The following UBR4 variants were observed in gnomAD, a reference collection of about 807,000 sequenced individuals.
The protein encoded by UBR4 is E3 ubiquitin-protein ligase UBR4.
A neutral mutation model predicts 575.6 loss-of-function variants in UBR4; 124 were observed. That is an observed-to-expected ratio of 0.22 (90% confidence interval 0.19 to 0.25). UBR4 has a LOEUF of 0.25. Ranked by LOEUF, UBR4 falls within the 10% of genes least tolerant of loss-of-function variation. The probability of loss-of-function intolerance (pLI) is 1.00; values close to 1 mark genes in which losing one functional copy is unlikely to be tolerated. For missense variants in UBR4, 4,818 were observed against 6,478.8 expected (o/e 0.74, Z 8.80); for synonymous variants, 2,455 against 2,473.7 (o/e 0.99, Z 0.22).
Position 19,164,737 on chromosome 1 carries a change from T to C in UBR4, c.4511+62A>G, listed in dbSNP as rs2088018011. ...GACTGGTGCCCGAAGGAAAGATAAC[T>C]GCAAATATCAACGTGTTTCTGGGGT... On this transcript the variant is annotated intron_variant, in intron 32 of 105. Transcript: ENST00000375254. The C allele has an allele frequency of 3.2e-6, 5 of 1,584,288 alleles. No homozygotes were observed. In the African/African-American group the frequency reaches 5.4e-5, roughly 17 times the overall value.
In UBR4 at chr1:19,158,052, T is replaced by C. The variant is rs1036888987; in HGVS notation, c.5578-55A>G. On this transcript the variant is annotated intron_variant, in intron 39 of 105. Coordinates refer to ENST00000375254, the MANE Select transcript of UBR4 (RefSeq NM_020765.3). ...CAGTAATGAGGCAAATAAAATCAAG[T>C]GGATTCACGCACTATTCATGTGCCT... 2.6e-6 allele frequency: 4 copies of C among 1,564,388 alleles called. No individual in the cohort carries two copies. The African/African-American group carries it at 4.1e-5, about 16-fold the overall frequency.
rs775182463 is a variant in UBR4, at chr1:19,074,821, C to T, written c.*11G>A. The T allele has an allele frequency of 4.3e-6, 7 of 1,614,018 alleles. No homozygotes were observed. In the East Asian group the frequency reaches 1.3e-4, roughly 31 times the overall value. ...AGCTTCGTCTTCGCCGCCGCAGCTG[C>T]TGTGTGGTGGTCAGGGGACTGAGTT... On this transcript the variant is annotated 3_prime_UTR_variant, in exon 106 of 106. Coordinates refer to ENST00000375254, the MANE Select transcript of UBR4 (RefSeq NM_020765.3).
Position 19,153,326 on chromosome 1 carries a change from A to G in UBR4, c.6807T>C (p.Val2269=). 2 of 1,614,194 alleles carry G rather than the reference A, an allele frequency of 1.2e-6. No homozygotes were observed. The highest frequency in any genetic ancestry group is 1.7e-6 in the Non-Finnish European group (2 of 1,180,020). Residue 2269 remains valine (V), a synonymous_variant, in exon 46 of 106, where the codon GTT becomes GTC. Coordinates refer to ENST00000375254, the MANE Select transcript of UBR4 (RefSeq NM_020765.3). The surrounding 1 kb of genome is among the most constrained non-coding windows in gnomAD (Gnocchi z 4.1). ...TGATTGTAGCTGTTTTGCGCTTTCG[A>G]ACAGGCTTCATGATGCTGATGACAC... The part of the protein sequence containing the change: ...PSSVISIMKP[V]RKRKTATITT...
intron 34 of UBR4, 110 bp downstream of exon 34, chr1:19,163,654 G>T: frequency 1.7e-6 from 2 of 1,177,466 alleles, no homozygotes; most frequent in Non-Finnish European, 2.5e-6. Flanking sequence ...CTTATCCTTG[G>T]TAGGCTAGCC....
At chr1:19,129,663 T>A (rs2082206254) in intron 60 of UBR4, among the ~76,000 whole-genome samples, 1 of 152,228 alleles carries the variant, frequency 6.6e-6, no homozygotes, top group Non-Finnish European at 1.5e-5. Context: ...TCCCGTATAA[T>A]CAACTGGCCA....
chr1:19,134,255 AAAAT>A (rs951027481), intron 60 of UBR4, among the ~76,000 whole-genome samples: 4 of 151,836 alleles, frequency 2.6e-5, no homozygotes, highest in Non-Finnish European at 4.4e-5. Flanking sequence ...CTCTGTCTCA[AAAAT>A]AAATAAATAA....
intron 20 of UBR4, among the ~76,000 whole-genome samples, chr1:19,175,919 G>A (rs977940629): frequency 2.3e-4 from 35 of 151,740 alleles, no homozygotes; most frequent in South Asian, 2.1e-4. Flanking sequence ...TTAGCCTCTC[G>A]AGTAGCTGGC....
intron 58 of UBR4, among the ~76,000 whole-genome samples, chr1:19,140,111 C>A (rs1291006650): frequency 1.3e-5 from 2 of 152,028 alleles, no homozygotes; most frequent in African/African-American, 2.4e-5. Context: ...AGAAAAAAAA[C>A]AAACACAAGG....
At position 19,157,747 on chromosome 1, in the gene UBR4, C is replaced by T; in HGVS notation, c.5760+68G>A. The T allele has an allele frequency of 1.3e-6, 2 of 1,558,934 alleles. No homozygotes were observed. Among genetic ancestry groups the T allele is most frequent in the Non-Finnish European group, 1.7e-6 (2 of 1,146,244 alleles). ...AGAGGGCTAATCCGAATGTGGTCAT[C>T]AATTTGTTTTGCTTAGCATTTAAGA... On this transcript the variant is annotated intron_variant, in intron 40 of 105. Transcript: ENST00000375254. The surrounding 1 kb of genome is among the most constrained non-coding windows in gnomAD (Gnocchi z 4.4).
chr1:19,176,638 A>G lies in UBR4; in HGVS notation c.2727T>C (p.His909=). 2 of 1,614,078 alleles carry G rather than the reference A, an allele frequency of 1.2e-6. No individual in the cohort carries two copies. The highest frequency in any genetic ancestry group is 1.7e-6 in the Non-Finnish European group (2 of 1,180,006). ...NSRRATTPLY[H]GFKEVEENWS... ...AGTTTTCTTCTACTTCTTTGAATCC[A>G]TGATAGAGAGGAGTGGTTGCCCGGC... Residue 909 remains histidine (H), a synonymous_variant, in exon 20 of 106, where the codon CAT becomes CAC. Coordinates refer to ENST00000375254, the MANE Select transcript of UBR4 (RefSeq NM_020765.3).
At chr1:19,133,708 G>T (rs2082813901) in intron 60 of UBR4, among the ~76,000 whole-genome samples, 1 of 152,084 alleles carries the variant, frequency 6.6e-6, no homozygotes, top group African/African-American at 2.4e-5. Context: ...CCAACACTGG[G>T]AGGCTGAGGC....
At chr1:19,083,906 T>TC (rs2076761898) in intron 102 of UBR4, among the ~76,000 whole-genome samples, 1 of 152,250 alleles carries the variant, frequency 6.6e-6, no homozygotes, top group East Asian at 1.9e-4. Flanking sequence ...CTCTTTTTTT[T>TC]CCTGGCTGCC....
In UBR4 at chr1:19,076,911, A is replaced by G. The variant is rs1383982380; in HGVS notation, c.15325-9T>C. 4 of 1,542,612 alleles carry G rather than the reference A, an allele frequency of 2.6e-6. No homozygotes were observed. The Admixed American group carries it at 8.3e-5, about 32-fold the overall frequency. ...TTACTGGTAGGCACCTTCTACGAGA[A>G]TCAACAGGAGACAAGAGAGGTGGGT... On this transcript the variant is annotated splice_polypyrimidine_tract_variant and intron_variant, in intron 104 of 105. Coordinates refer to ENST00000375254, the MANE Select transcript of UBR4 (RefSeq NM_020765.3).
In UBR4 at chr1:19,169,528, C is replaced by T. The variant is rs1340322936; in HGVS notation, c.3648G>A (p.Pro1216=). The T allele has an allele frequency of 2.5e-6, 4 of 1,612,998 alleles. No homozygotes were observed. Among genetic ancestry groups the T allele is most frequent in the East Asian group, 2.2e-5 (1 of 44,854 alleles). ...SSRCKANTLG[P]TLVQNLPSSV... ...ACGATGGCAAATTCTGAACCAGTGT[C>T]GGACCTGGAGGCGACAGAAAGGACA... Residue 1216 remains proline (P), a synonymous_variant, in exon 27 of 106, where the codon CCG becomes CCA. Transcript: ENST00000375254.
intron 17 of UBR4, among the ~76,000 whole-genome samples, chr1:19,181,085 A>C (rs1040697944): frequency 6.6e-6 from 1 of 152,222 alleles, no homozygotes; most frequent in African/African-American, 2.4e-5. Context: ...ATCATAGTTA[A>C]ACTGAAACCT....
intron 60 of UBR4, among the ~76,000 whole-genome samples, chr1:19,130,641 A>G (rs1388657442): frequency 6.6e-6 from 1 of 152,232 alleles, no homozygotes; most frequent in Middle Eastern, 3.2e-3. Context: ...TCTGTTAATA[A>G]TTAGCCAAGC....
At position 19,199,722 on chromosome 1, in the gene UBR4, C is replaced by A; in HGVS notation, c.307G>T (p.Ala103Ser). 1 of 1,614,162 alleles carries A rather than the reference C, an allele frequency of 6.2e-7. No individual in the cohort carries two copies. Among genetic ancestry groups the A allele is most frequent in the South Asian group, 1.1e-5 (1 of 91,080 alleles). ...GAAAACTCAATTAGAACTTTACAGG[C>A]TGCTGCCACTGACTGAAGTTGGTTC... ...PRNQLQSVAAACKVLIEFSLL... is the reference protein window; with the variant it reads ...PRNQLQSVAASCKVLIEFSLL... The change falls in exon 3 of 106, where the codon GCC (alanine) becomes TCC (serine). Residue 103 changes from alanine (A) to serine (S), a missense_variant. Physicochemically the swap from Ala to Ser is moderately conservative, Grantham distance 99 (BLOSUM62 1). Coordinates refer to ENST00000375254, the MANE Select transcript of UBR4 (RefSeq NM_020765.3).
intron 86 of UBR4, 147 bp from the exon 87 acceptor site, chr1:19,104,404 G>A: frequency 8.2e-7 from 1 of 1,214,746 alleles, no homozygotes; most frequent in Non-Finnish European, 1.1e-6. Context: ...AGCGGAAACA[G>A]TCAATAGCAA....
Position 19,097,205 on chromosome 1 carries a change from C to A in UBR4, c.13378G>T (p.Asp4460Tyr). Reference protein sequence around the residue: ...DATEEFIESLDSTTDEEEDEE... With the variant: ...DATEEFIESLYSTTDEEEDEE... ...TGCCATGATCTACCTGTAGTAGAGTCCAGGGACTCAATGAACTCCTCTGTG... is the reference window on the plus strand; with the variant it reads ...TGCCATGATCTACCTGTAGTAGAGTACAGGGACTCAATGAACTCCTCTGTG... Residue 4460 changes from aspartate (D) to tyrosine (Y), a missense_variant, in exon 91 of 106, where the codon GAC becomes TAC. By Grantham distance (160) the Asp-to-Tyr change is radical (BLOSUM62 -3). Coordinates refer to ENST00000375254, the MANE Select transcript of UBR4 (RefSeq NM_020765.3). 1.2e-6 allele frequency: 2 copies of A among 1,613,490 alleles called. No individual in the cohort carries two copies. Among genetic ancestry groups the A allele is most frequent in the South Asian group, 1.1e-5 (1 of 91,000 alleles).
Sources: allele counts gnomAD v4.1 joint callset (sites outside exome capture counted in the v4.1 genomes callset), GRCh38; gene constraint gnomAD v4.1.1; non-coding constraint Gnocchi (gnomAD v3.1); transcripts MANE v1.5; gene names NCBI Gene and HGNC (gene_info 2026-07-23, HGNC 2026-07-21).